Variants in FBXL14 observed in about 807,000 individuals in gnomAD.
The protein encoded by FBXL14 is F-box/LRR-repeat protein 14.
In FBXL14, 11 loss-of-function variants were observed where a neutral mutation model predicts 24.5. The observed-to-expected ratio is 0.45, with a 90% CI of 0.28 to 0.74. FBXL14 has a LOEUF of 0.74. Among genes scored for constraint, FBXL14 ranks in the 30% least tolerant of loss-of-function variants. The pLI is 0.12. For synonymous variants in FBXL14, 294 were observed against 240.4 expected, an observed-to-expected ratio of 1.22 and a Z score of -2.06; for missense variants, 384 against 545.6, an observed-to-expected ratio of 0.70 and a Z score of 2.95.
At chr12:1,583,717 TTC>T (rs780334730) in intron 1 of FBXL14, among the ~76,000 whole-genome samples, 13 of 152,226 alleles carry the variant, frequency 8.5e-5, no homozygotes, top group Non-Finnish European at 1.5e-4. Flanking sequence ...TTTCTCCACT[TTC>T]TGTCTTCCAC....
chr12:1,592,220 T>C (rs1268970781), intron 1 of FBXL14, among the ~76,000 whole-genome samples: 1 of 147,466 alleles, frequency 6.8e-6, no homozygotes, highest in African/African-American at 2.5e-5. Flanking sequence ...TTTATATATA[T>C]ATAATATATA....
intron 1 of FBXL14, among the ~76,000 whole-genome samples, chr12:1,590,719 C>A (rs534130186): frequency 2.0e-5 from 3 of 152,326 alleles, no homozygotes; most frequent in African/African-American, 7.2e-5. Flanking sequence ...AGCTCCCCAT[C>A]CCCCAGGAAA....
rs1440486320 is a variant in FBXL14, at chr12:1,569,036, G to A, written c.1195-2226C>T. ...AGAATAATTATCTTTAATAATATAA[G>A]CATAATTATAATCTCACAAGTATTT... On this transcript the variant is annotated intron_variant, in intron 1 of 1. Coordinates refer to ENST00000339235, the MANE Select transcript of FBXL14 (RefSeq NM_152441.3). This position sits in a 1 kb window ranked among gnomAD's most constrained non-coding sequence, Gnocchi z 4.2. 6.6e-6 allele frequency among the ~76,000 whole-genome samples: 1 copy of A among 152,088 alleles called. No homozygotes were observed. Among genetic ancestry groups the A allele is most frequent in the East Asian group, 1.9e-4 (1 of 5,204 alleles).
At chr12:1,578,904 G>T (rs2094460999) in intron 1 of FBXL14, among the ~76,000 whole-genome samples, 2 of 152,040 alleles carry the variant, frequency 1.3e-5, no homozygotes, top group South Asian at 4.1e-4. Flanking sequence ...TTTGTTGCTC[G>T]TGACTATCCC....
At chr12:1,583,526 C>A (rs190571806) in intron 1 of FBXL14, among the ~76,000 whole-genome samples, 1 of 152,186 alleles carries the variant, frequency 6.6e-6, no homozygotes, top group Admixed American at 6.5e-5. Context: ...TGAAATTCCT[C>A]ATTTGTCAAC....
intron 1 of FBXL14, among the ~76,000 whole-genome samples, chr12:1,591,555 AAAT>A (rs1400252297): frequency 1.3e-5 from 2 of 152,176 alleles, no homozygotes; most frequent in Admixed American, 1.3e-4. Context: ...GGTTCTAAAG[AAAT>A]AACAACAAAA....
chr12:1,571,565 C>A (rs748739167), intron 1 of FBXL14, among the ~76,000 whole-genome samples: 2 of 152,208 alleles, frequency 1.3e-5, no homozygotes, highest in African/African-American at 2.4e-5. Flanking sequence ...TCATCAGTTT[C>A]ATAAACAGAG....
chr12:1,593,662 C>T lies in FBXL14; in HGVS notation c.405G>A (p.Leu135=), dbSNP rs1024206676. Residue 135 remains leucine, a synonymous_variant, in exon 1 of 2, where the codon CTG becomes CTA. Coordinates refer to ENST00000339235, the MANE Select transcript of FBXL14 (RefSeq NM_152441.3). This position sits in a 1 kb window ranked among gnomAD's most constrained non-coding sequence, Gnocchi z 7.4. ...CCTTGAGGTACTGGGCTATGCGGCCCAGGCTGCTGTCAGTGATCTGCTTGC... is the reference window on the plus strand; with the variant it reads ...CCTTGAGGTACTGGGCTATGCGGCCTAGGCTGCTGTCAGTGATCTGCTTGC... The part of the protein sequence containing the change: ...SLCKQITDSS[L]GRIAQYLKGL... 20 of 1,614,038 alleles carry T rather than the reference C, an allele frequency of 1.2e-5. No homozygotes were observed. The highest frequency in any genetic ancestry group is 1.6e-5 in the Non-Finnish European group (19 of 1,180,014).
In FBXL14 at chr12:1,593,380, G is replaced by T. The variant is rs768656654; in HGVS notation, c.687C>A (p.Gly229=). ...AGAAGCTGAGGTTGAGGAGCCTCAGGCCCGTCAGCCCTCGGGAGATGTGCT... is the reference window on the plus strand; with the variant it reads ...AGAAGCTGAGGTTGAGGAGCCTCAGTCCCGTCAGCCCTCGGGAGATGTGCT... The part of the protein sequence containing the change: ...SLKHISRGLT[G]LRLLNLSFCG... Residue 229 remains glycine, a synonymous_variant, in exon 1 of 2, where the codon GGC becomes GGA. Transcript: ENST00000339235. This position sits in a 1 kb window ranked among gnomAD's most constrained non-coding sequence, Gnocchi z 7.4. 1.9e-6 allele frequency: 3 copies of T among 1,613,876 alleles called. No individual in the cohort carries two copies. Among genetic ancestry groups the T allele is most frequent in the Non-Finnish European group, 2.5e-6 (3 of 1,180,026 alleles).
intron 1 of FBXL14, among the ~76,000 whole-genome samples, chr12:1,589,345 T>C (rs1417650657): frequency 2.8e-5 from 4 of 145,388 alleles, no homozygotes; most frequent in South Asian, 2.2e-4. Flanking sequence ...CTGCAGTGGG[T>C]TGTGATTGTA....
intron 1 of FBXL14, among the ~76,000 whole-genome samples, chr12:1,585,182 AG>A (rs1178746921): frequency 2.0e-5 from 3 of 152,066 alleles, no homozygotes; most frequent in African/African-American, 7.2e-5. Context: ...GCGGATCACA[AG>A]GTCAGGAGAT....
chr12:1,570,475 G>A (rs184622780), intron 1 of FBXL14, among the ~76,000 whole-genome samples: 28 of 152,240 alleles, frequency 1.8e-4, no homozygotes, highest in African/African-American at 5.1e-4. Flanking sequence ...GTGGGGTCTC[G>A]TGCCTGAAGG....
In FBXL14 at chr12:1,576,118, TAAAAC is replaced by T. The variant is rs542043010; in HGVS notation, c.1195-9313_1195-9309del. Among the ~76,000 whole-genome samples, 836 of 152,302 alleles carry T rather than the reference TAAAAC, an allele frequency of 5.5e-3. 9 individuals are homozygous for T. The highest frequency in any genetic ancestry group is 0.019 in the African/African-American group (769 of 41,564). On this transcript the variant is annotated intron_variant, in intron 1 of 1. Coordinates refer to ENST00000339235, the MANE Select transcript of FBXL14 (RefSeq NM_152441.3). ...TTCTTCCCACAAACGCTTTATCTAA[TAAAAC>T]AAAATTACTGCAGATGAAGCAGGGA...
intron 1 of FBXL14, among the ~76,000 whole-genome samples, chr12:1,575,818 T>G (rs1225835134): frequency 1.1e-4 from 17 of 152,132 alleles, no homozygotes; most frequent in Non-Finnish European, 8.8e-5. Context: ...TGTGGTAGTG[T>G]CCTTAGGGAA....
At chr12:1,586,178 T>TG (rs1343975987) in intron 1 of FBXL14, among the ~76,000 whole-genome samples, 1 of 148,922 alleles carries the variant, frequency 6.7e-6, no homozygotes, top group African/African-American at 2.5e-5. Context: ...TTTTAGCATT[T>TG]GGGGTTTTTT....
intron 1 of FBXL14, among the ~76,000 whole-genome samples, chr12:1,570,715 C>T (rs189068813): frequency 6.6e-6 from 1 of 152,268 alleles, no homozygotes; most frequent in East Asian, 1.9e-4. Context: ...CCAAGTGTCT[C>T]GATCACTTTT....
At chr12:1,583,723 C>T (rs1268334899) in intron 1 of FBXL14, among the ~76,000 whole-genome samples, 1 of 152,232 alleles carries the variant, frequency 6.6e-6, no homozygotes, top group Non-Finnish European at 1.5e-5. Flanking sequence ...CACTTTCTGT[C>T]TTCCACAGTG....
intron 1 of FBXL14, among the ~76,000 whole-genome samples, chr12:1,576,778 C>T (rs2094456818): frequency 1.3e-5 from 2 of 152,202 alleles, no homozygotes; most frequent in African/African-American, 4.8e-5. Flanking sequence ...CGCCCCAGCC[C>T]TTGGCGGGGG....
chr12:1,578,992 AT>A (rs758496478), intron 1 of FBXL14, among the ~76,000 whole-genome samples: 1 of 151,956 alleles, frequency 6.6e-6, no homozygotes, highest in Non-Finnish European at 1.5e-5. Flanking sequence ...CTCTTACAAC[AT>A]TTTTGGGACA....
Sources: allele counts gnomAD v4.1 joint callset (sites outside exome capture counted in the v4.1 genomes callset), GRCh38; gene constraint gnomAD v4.1.1; non-coding constraint Gnocchi (gnomAD v3.1); transcripts MANE v1.5; gene names NCBI Gene and HGNC (gene_info 2026-07-23, HGNC 2026-07-21).